USO1: variants seen among roughly 807,000 people sequenced by gnomAD.
USO1 encodes USO1 vesicle transport factor.
USO1 carries 57 observed loss-of-function variants against 124.5 expected under a neutral mutation model. The observed-to-expected ratio is 0.46, with a 90% confidence interval of 0.37 to 0.57. The LOEUF is 0.57. Among genes scored for constraint, USO1 ranks in the 20% least tolerant of loss-of-function variants. USO1 has a pLI of 0.00. For missense variants in USO1, 900 were observed against 1,040.6 expected (o/e 0.86, Z 1.86); for synonymous variants, 369 against 362.8 (o/e 1.02, Z -0.19).
chr4:75,765,751 A>G (rs1721753110), intron 4 of USO1, among the ~76,000 whole-genome samples: 1 of 151,826 alleles, frequency 6.6e-6, no homozygotes, highest in Non-Finnish European at 1.5e-5. Flanking sequence ...ACACAATTTT[A>G]TCAGCTCACA....
At chr4:75,779,457 T>G (rs1314256862) in intron 8 of USO1, among the ~76,000 whole-genome samples, 1 of 152,156 alleles carries the variant, frequency 6.6e-6, no homozygotes, top group Non-Finnish European at 1.5e-5. Context: ...CTTAAGAAAA[T>G]TAAAAGTTCT....
At chr4:75,778,587 G>C (rs189297385) in intron 8 of USO1, among the ~76,000 whole-genome samples, 1 of 152,294 alleles carries the variant, frequency 6.6e-6, no homozygotes, top group African/African-American at 2.4e-5. Context: ...TAAATATTTA[G>C]ATCAGTGGTT....
chr4:75,788,190 CAG>C (rs1722421579), intron 10 of USO1, among the ~76,000 whole-genome samples: 1 of 125,608 alleles, frequency 8.0e-6, no homozygotes, highest in Admixed American at 9.1e-5. Flanking sequence ...TTTTTTTGTA[CAG>C]AGTCTCAGTC....
Position 75,724,844 on chromosome 4 carries a change from G to A in USO1, c.25G>A (p.Gly9Arg), listed in dbSNP as rs759004930. 8 of 1,613,862 alleles carry A rather than the reference G, an allele frequency of 5.0e-6. No individual in the cohort carries two copies. Among genetic ancestry groups the A allele is most frequent in the African/African-American group, 4.0e-5 (3 of 75,052 alleles). The change falls in exon 1 of 24, where the codon GGG becomes AGG. Residue 9 changes from glycine to arginine, a missense_variant. Gly to Arg is a moderately radical substitution (Grantham distance 125). Around this residue, in one of 2 missense-constraint regions of USO1, gnomAD observed 538 missense variants for 681.6 expected, o/e 0.79. Coordinates refer to ENST00000514213, the MANE Select transcript of USO1 (RefSeq NM_003715.4). ...GATGAATTTCCTCCGCGGGGTAATGGGGGGTCAGAGTGCCGGACCCCAGCA... is the reference window on the plus strand; with the variant it reads ...GATGAATTTCCTCCGCGGGGTAATGAGGGGTCAGAGTGCCGGACCCCAGCA... MNFLRGVM[G>R]GQSAGPQHTE... is the part of the protein sequence containing the mutation.
Position 75,813,284 on chromosome 4 carries a change from G to T in USO1, c.2878G>T (p.Asp960Tyr), listed in dbSNP as rs372338781. The T allele has an allele frequency of 1.2e-6, 2 of 1,600,822 alleles. No homozygotes were observed. Among genetic ancestry groups the T allele is most frequent in the Non-Finnish European group, 1.7e-6 (2 of 1,175,952 alleles). ...DESEDPGKDL[D>Y]HI is the part of the protein sequence containing the mutation. ...AAGTGAAGATCCTGGCAAGGATCTA[G>T]ATCATATCTAGTTTTCAAATCTCTA... The change falls in exon 24 of 24, where the codon GAT (aspartate) becomes TAT (tyrosine). Residue 960 changes from aspartate (D) to tyrosine (Y), a missense_variant. Around this residue, in one of 2 missense-constraint regions of USO1, gnomAD observed 362 missense variants for 359.0 expected, o/e 1.01. Coordinates refer to ENST00000514213, the MANE Select transcript of USO1 (RefSeq NM_003715.4).
At chr4:75,794,010 C>G (rs1722605898) in intron 13 of USO1, 109 bp downstream of exon 13, 1 of 1,461,804 alleles carries the variant, frequency 6.8e-7, no homozygotes, top group Non-Finnish European at 9.1e-7. Flanking sequence ...AAGACTTATT[C>G]TGTTTATTAG....
chr4:75,781,976 T>C (rs537777928), intron 8 of USO1, among the ~76,000 whole-genome samples: 2 of 152,134 alleles, frequency 1.3e-5, no homozygotes, highest in African/African-American at 4.8e-5. Context: ...AAAGCTGTAG[T>C]GTGGATGAAA....
chr4:75,725,823 A>T (rs910800447), intron 1 of USO1, among the ~76,000 whole-genome samples: 3 of 152,188 alleles, frequency 2.0e-5, no homozygotes, highest in Non-Finnish European at 4.4e-5. Flanking sequence ...TAACTTTGTT[A>T]ATGGGATCCT....
At chr4:75,756,637 G>C (rs545889139) in intron 3 of USO1, among the ~76,000 whole-genome samples, 4 of 151,240 alleles carry the variant, frequency 2.6e-5, no homozygotes, top group African/African-American at 9.7e-5. Context: ...CTCCTGAGCA[G>C]CTGGGGTTAC....
chr4:75,813,064 G>C (rs1217509483), intron 23 of USO1, 142 bp from the exon 24 acceptor site: 1 of 785,852 alleles, frequency 1.3e-6, no homozygotes, highest in Non-Finnish European at 1.8e-6. Flanking sequence ...AGTGAGCCGA[G>C]ATCGCACCAT....
intron 1 of USO1, among the ~76,000 whole-genome samples, chr4:75,732,370 T>C (rs1720655871): frequency 6.6e-6 from 1 of 152,218 alleles, no homozygotes; most frequent in Non-Finnish European, 1.5e-5. Context: ...TAGTATTCCA[T>C]GGCATATATG....
chr4:75,769,853 G>A (rs918902743), intron 4 of USO1, among the ~76,000 whole-genome samples: 1 of 151,208 alleles, frequency 6.6e-6, no homozygotes, highest in Non-Finnish European at 1.5e-5. Context: ...GAAATTAGAT[G>A]TCAAATTCTG....
Position 75,790,639 on chromosome 4 carries a change from A to G in USO1, c.1086-4A>G, listed in dbSNP as rs1722502679. On this transcript the variant is annotated splice_polypyrimidine_tract_variant and splice_region_variant and intron_variant, in intron 11 of 23. Transcript: ENST00000514213. Reference sequence around the variant, plus strand: ...TTTTGTTCTTTTCTTTTTAAATGCAACAGACCGGCAATTGTAGTACTTCTC... The same window carrying G: ...TTTTGTTCTTTTCTTTTTAAATGCAGCAGACCGGCAATTGTAGTACTTCTC... The G allele has an allele frequency of 1.9e-6, 3 of 1,600,262 alleles. No homozygotes were observed. The highest frequency in any genetic ancestry group is 2.6e-6 in the Non-Finnish European group (3 of 1,176,124).
chr4:75,787,679 G>A (rs539036204), intron 10 of USO1, among the ~76,000 whole-genome samples: 4 of 152,024 alleles, frequency 2.6e-5, no homozygotes, highest in South Asian at 2.1e-4. Context: ...GTGCAATATC[G>A]AAAGTACAAA....
intron 10 of USO1, among the ~76,000 whole-genome samples, chr4:75,787,835 T>C (rs1374613022): frequency 1.3e-5 from 2 of 152,174 alleles, no homozygotes; most frequent in Non-Finnish European, 2.9e-5. Flanking sequence ...TTTACAGCTG[T>C]ATTGATACCA....
rs55928639 is a variant in USO1 at position 75,734,718 on chromosome 4, C to CTTTTTTTTTTTTTTTTTTT, written c.66+9843_66+9861dup. Among the ~76,000 whole-genome samples the CTTTTTTTTTTTTTTTTTTT allele has an allele frequency of 4.2e-5, 2 of 47,450 alleles. 1 individual carries two copies. The highest frequency in any genetic ancestry group is 7.1e-5 in the Non-Finnish European group (2 of 28,018). 31.1% of individuals were successfully genotyped at this position (47,450 alleles called of 152,430 possible). A position where few individuals can be genotyped will look rare whatever the true frequency, so the allele number is the denominator to read the frequency against. On this transcript the variant is annotated intron_variant, in intron 1 of 23. Coordinates refer to ENST00000514213, the MANE Select transcript of USO1 (RefSeq NM_003715.4). ...CTGTAGATTGCTTTGGGCAGTATGG[C>CTTTTTTTTTTTTTTTTTTT]TTTTTTTTTTTTTTTTTTTTTTTTT...
At chr4:75,734,573 T>G (rs775603621) in intron 1 of USO1, among the ~76,000 whole-genome samples, 4 of 152,140 alleles carry the variant, frequency 2.6e-5, no homozygotes, top group African/African-American at 4.8e-5. Flanking sequence ...CCAGCTTTGT[T>G]CTTTTTGCTT....
intron 7 of USO1, among the ~76,000 whole-genome samples, chr4:75,771,373 T>C (rs1191505609): frequency 6.6e-6 from 1 of 152,208 alleles, no homozygotes; most frequent in Non-Finnish European, 1.5e-5. Context: ...ATGCTGGGAT[T>C]ACAGACATGA....
At chr4:75,790,823 T>G (rs751104154) in intron 12 of USO1, 26 bp downstream of exon 12, 4 of 1,526,244 alleles carry the variant, frequency 2.6e-6, no homozygotes, top group Non-Finnish European at 3.5e-6. Context: ...CTAATTTTTA[T>G]TTGAAAAAGT....
Sources: gnomAD v4.1 joint callset for allele counts (sites outside exome capture counted in the v4.1 genomes callset) on GRCh38, gnomAD v4.1.1 for gene constraint, gnomAD v4.1.1 regional missense constraint, MANE v1.5 for transcripts, NCBI Gene and HGNC (gene_info 2026-07-23, HGNC 2026-07-21) for gene names.